The following PDE8B variants were observed in gnomAD, a reference collection of about 807,000 sequenced individuals.
The protein encoded by PDE8B is high affinity cAMP-specific and IBMX-insensitive 3',5'-cyclic phosphodiesterase 8B.
A neutral mutation model predicts 101.3 loss-of-function variants in PDE8B; 26 were observed. That is an observed-to-expected ratio of 0.26 (90% CI 0.19 to 0.36). PDE8B has a LOEUF of 0.36. PDE8B is among the 10% of genes least tolerant of loss of function. The pLI is 1.00. For synonymous variants in PDE8B, 424 were observed against 429.3 expected (o/e 0.99, Z 0.15); for missense variants, 810 against 1,163.1 (o/e 0.70, Z 4.42).
At chr5:77,281,684 C>T (rs752117360) in intron 1 of PDE8B, among the ~76,000 whole-genome samples, 45 of 152,180 alleles carry the variant, frequency 3.0e-4, no homozygotes, top group Non-Finnish European at 5.1e-4. Context: ...ATCTTTCCAC[C>T]TTAAGGTTCT....
At chr5:77,402,711 C>T (rs1269118722) in intron 11 of PDE8B, among the ~76,000 whole-genome samples, 1 of 152,206 alleles carries the variant, frequency 6.6e-6, no homozygotes, top group African/African-American at 2.4e-5. Flanking sequence ...TATTAACTCA[C>T]TTATTTCTCA....
the PDE8B span, among the ~76,000 whole-genome samples, chr5:77,198,929 G>A: frequency 6.6e-6 from 1 of 151,982 alleles, no homozygotes; most frequent in Non-Finnish European, 1.5e-5. Context: ...TCTGGTTTTT[G>A]TTGCAGAATT....
At chr5:77,422,932 A>G (rs1796993814) in intron 20 of PDE8B, among the ~76,000 whole-genome samples, 1 of 152,198 alleles carries the variant, frequency 6.6e-6, no homozygotes, top group Admixed American at 6.5e-5. Flanking sequence ...TATATTGCTG[A>G]TGCTGAGGTT....
chr5:77,102,402 C>T, the PDE8B span, among the ~76,000 whole-genome samples: 15 of 152,140 alleles, frequency 9.9e-5, no homozygotes, highest in Non-Finnish European at 1.8e-4. Context: ...CATCTCACAG[C>T]CTCCAATTTA....
At chr5:77,205,234 A>G in the PDE8B span, among the ~76,000 whole-genome samples, 1 of 152,338 alleles carries the variant, frequency 6.6e-6, no homozygotes. Flanking sequence ...TGCATTTTCT[A>G]CAACTGGCAA....
At chr5:77,278,042 C>T (rs1011974505) in intron 1 of PDE8B, among the ~76,000 whole-genome samples, 1 of 152,172 alleles carries the variant, frequency 6.6e-6, no homozygotes, top group Non-Finnish European at 1.5e-5. Flanking sequence ...GCACCAAATG[C>T]TCTTATGTCT....
intron 1 of PDE8B, among the ~76,000 whole-genome samples, chr5:77,249,175 A>G (rs1757564529): frequency 6.6e-6 from 1 of 152,258 alleles, no homozygotes; most frequent in Non-Finnish European, 1.5e-5. Flanking sequence ...GAATTCTTCA[A>G]ATGATGCCAC....
chr5:77,105,745 T>A, the PDE8B span: 1 of 152,230 alleles, frequency 6.6e-6, no homozygotes. Flanking sequence ...AAAGTAATAG[T>A]AACATTTTAC....
intron 7 of PDE8B, among the ~76,000 whole-genome samples, chr5:77,348,861 T>A (rs1780597103): frequency 6.6e-6 from 1 of 152,098 alleles, no homozygotes; most frequent in South Asian, 2.1e-4. Flanking sequence ...TTTTTTATTT[T>A]TGTGGAGGTG....
At chr5:77,179,261 A>G in the PDE8B span, among the ~76,000 whole-genome samples, 1 of 152,348 alleles carries the variant, frequency 6.6e-6, no homozygotes, top group African/African-American at 2.4e-5. Flanking sequence ...TTTTATTTCT[A>G]AAAATGACTT....
At chr5:77,395,407 G>A (rs1238195596) in intron 10 of PDE8B, among the ~76,000 whole-genome samples, 2 of 151,012 alleles carry the variant, frequency 1.3e-5, no homozygotes, top group African/African-American at 2.4e-5. Flanking sequence ...GAGCCACCGC[G>A]CCCGACCTTC....
chr5:77,349,253 G>T (rs1408243946), intron 7 of PDE8B, among the ~76,000 whole-genome samples, 166 bp from the exon 8 acceptor site: 1 of 152,154 alleles, frequency 6.6e-6, no homozygotes, highest in East Asian at 1.9e-4. Flanking sequence ...GGATGGAAAG[G>T]GGCAGCAGGA....
At chr5:77,421,040 A>G (rs1026393779) in intron 19 of PDE8B, among the ~76,000 whole-genome samples, 2 of 152,216 alleles carry the variant, frequency 1.3e-5, no homozygotes, top group Non-Finnish European at 2.9e-5. Context: ...GTGGAGAATA[A>G]CAATCTTTCA....
At chr5:77,232,729 G>A (rs546107229) in intron 1 of PDE8B, among the ~76,000 whole-genome samples, 1 of 152,300 alleles carries the variant, frequency 6.6e-6, no homozygotes, top group African/African-American at 2.4e-5. Flanking sequence ...TACCCGTGGG[G>A]TTGCTAGGAA....
At chr5:77,153,083 A>C in the PDE8B span, among the ~76,000 whole-genome samples, 20 of 152,278 alleles carry the variant, frequency 1.3e-4, no homozygotes, top group East Asian at 3.9e-3. Context: ...TGCTATGGGC[A>C]TCTGGTGAGT....
chr5:77,101,248 G>A, the PDE8B span, among the ~76,000 whole-genome samples: 28 of 152,008 alleles, frequency 1.8e-4, 1 homozygote, highest in South Asian at 5.4e-3. Flanking sequence ...TGGGATTACA[G>A]GAGTGAGCCG....
upstream of PDE8B, among the ~76,000 whole-genome samples, chr5:77,206,827 G>A (rs760609988): frequency 3.3e-5 from 5 of 152,148 alleles, no homozygotes; most frequent in African/African-American, 7.2e-5. Flanking sequence ...TGTTGTGCAC[G>A]TGGATTCAGG....
chr5:77,153,310 C>T, the PDE8B span, among the ~76,000 whole-genome samples: 1 of 152,170 alleles, frequency 6.6e-6, no homozygotes, highest in Admixed American at 6.5e-5. Flanking sequence ...TGCTGAACTT[C>T]CCAAGTATCA....
At chr5:77,234,271 C>T (rs749452017) in intron 1 of PDE8B, among the ~76,000 whole-genome samples, 8 of 152,122 alleles carry the variant, frequency 5.3e-5, no homozygotes, top group Non-Finnish European at 1.2e-4. Flanking sequence ...TAGGGAATGT[C>T]ACCTTTGTTG....
Sources: allele counts gnomAD v4.1 joint callset (sites outside exome capture counted in the v4.1 genomes callset), GRCh38; gene constraint gnomAD v4.1.1; transcripts MANE v1.5; gene names NCBI Gene and HGNC (gene_info 2026-07-23, HGNC 2026-07-21).